The following ALKBH8 variants were observed in gnomAD, a reference collection of about 807,000 sequenced individuals.
ALKBH8 encodes tRNA (carboxymethyluridine(34)-5-O)-methyltransferase ALKBH8.
Under a neutral mutation model 59.8 loss-of-function variants are expected in ALKBH8, and 36 were observed. The ratio of observed to expected loss-of-function variants is 0.60; its 90% confidence interval spans 0.46 to 0.79. The LOEUF is 0.79. Ranked by LOEUF, ALKBH8 falls within the 30% of genes least tolerant of loss-of-function variation. The probability of loss-of-function intolerance (pLI) is 0.00; values close to 1 mark genes in which losing one functional copy is unlikely to be tolerated. For synonymous variants in ALKBH8, 276 were observed against 273.6 expected, an observed-to-expected ratio of 1.01 and a Z score of -0.09; for missense variants, 768 against 801.0, an observed-to-expected ratio of 0.96 and a Z score of 0.50.
intron 10 of ALKBH8, among the ~76,000 whole-genome samples, chr11:107,518,445 G>T (rs1215891237): frequency 6.6e-6 from 1 of 152,162 alleles, no homozygotes; most frequent in Admixed American, 6.5e-5. Context: ...CCATAAACTG[G>T]CCCCAAAACT....
In ALKBH8 at chr11:107,563,573, AAATGGCTTAACAAAAC is replaced by A. The variant is rs1170571849; in HGVS notation, c.-7+2012_-7+2027del. The A allele has an allele frequency of 2.0e-5, 3 of 152,346 alleles. No individual in the cohort carries two copies. In the East Asian group the frequency reaches 5.8e-4, roughly 29 times the overall value. The allele number at this position is 152,346 out of a possible 1,614,324, so 9.4% of individuals were successfully genotyped here. On this transcript the variant is annotated intron_variant, in intron 1 of 11. Transcript: ENST00000428149. ...GTTGATTTTCAGAAGCAGCAGATCA[AAATGGCTTAACAAAAC>A]AAAGAATATCTGAGGCCCTTCAAAG...
In ALKBH8 at chr11:107,522,844, G is replaced by A. The variant is rs115137044; in HGVS notation, c.1031-289C>T. The stretch of plus-strand genomic sequence containing the variant: ...AAATACCTAGTGTTGGTGTGGATAA[G>A]AAGAGAAGGGAGCTCTTGCACACTG... On this transcript the variant is annotated intron_variant, in intron 9 of 11. Transcript: ENST00000428149. 1.6e-3 allele frequency among the ~76,000 whole-genome samples: 243 copies of A among 152,154 alleles called. 2 individuals are homozygous for A. The highest frequency in any genetic ancestry group is 5.7e-3 in the African/African-American group (237 of 41,520).
At chr11:107,553,711 G>T in intron 4 of ALKBH8, 136 bp downstream of exon 4, 1 of 875,152 alleles carries the variant, frequency 1.1e-6, no homozygotes, top group Non-Finnish European at 1.7e-6. Context: ...AGAATTGTTG[G>T]TATGACTTGC....
intron 7 of ALKBH8, among the ~76,000 whole-genome samples, chr11:107,542,298 G>GA (rs1864070666): frequency 1.3e-5 from 2 of 151,624 alleles, no homozygotes; most frequent in African/African-American, 2.4e-5. Flanking sequence ...AAAGATAAAA[G>GA]CAAAAAATCT....
intron 8 of ALKBH8, 133 bp from the exon 9 acceptor site, chr11:107,525,725 T>C: frequency 3.4e-6 from 2 of 580,778 alleles, no homozygotes; most frequent in Non-Finnish European, 5.2e-6. Context: ...CCTGAATTGT[T>C]AGACATTGTG....
rs117997741 is a variant in ALKBH8 at position 107,521,263 on chromosome 11, C to T, written c.1287+1036G>A. Among the ~76,000 whole-genome samples, 147 of 152,244 alleles carry T rather than the reference C, an allele frequency of 9.7e-4. 1 individual carries two copies. The East Asian group carries it at 0.023, about 24-fold the overall frequency. ...GCCCCACAAAGAACAGCCACTGTTG[C>T]TCATGTAGGGGTGATAAAAATGTAA... On this transcript the variant is annotated intron_variant, in intron 10 of 11. Transcript: ENST00000428149.
At chr11:107,539,935 A>T (rs2135544115) in intron 7 of ALKBH8, among the ~76,000 whole-genome samples, 2 of 152,328 alleles carry the variant, frequency 1.3e-5, no homozygotes, top group Middle Eastern at 3.4e-3. Context: ...TACAAGCCTC[A>T]ATAATCTGGT....
intron 7 of ALKBH8, among the ~76,000 whole-genome samples, chr11:107,533,501 C>T (rs1205991493): frequency 6.6e-6 from 1 of 152,080 alleles, no homozygotes; most frequent in East Asian, 1.9e-4. Context: ...CTAACCTATC[C>T]TTCCAATCTA....
intron 7 of ALKBH8, among the ~76,000 whole-genome samples, chr11:107,541,340 A>G (rs1408307827): frequency 1.3e-5 from 2 of 152,220 alleles, no homozygotes; most frequent in Non-Finnish European, 2.9e-5. Flanking sequence ...AATTGTCTCC[A>G]TAGTCAATTA....
chr11:107,553,104 T>A lies in ALKBH8; in HGVS notation c.595+4A>T. The A allele has an allele frequency of 6.4e-7, 1 of 1,560,242 alleles. No homozygotes were observed. On this transcript the variant is annotated splice_donor_region_variant and intron_variant, in intron 5 of 11. Transcript: ENST00000428149. The stretch of plus-strand genomic sequence containing the variant: ...GAATTTATTATGTATTAGCAATTAC[T>A]TACCCCCAGATAATGGCTTATCTTT...
At chr11:107,554,690 G>A (rs1257289859) in intron 3 of ALKBH8, among the ~76,000 whole-genome samples, 1 of 152,050 alleles carries the variant, frequency 6.6e-6, no homozygotes, top group African/African-American at 2.4e-5. Context: ...CACAAAAATA[G>A]CAACTATTTA....
chr11:107,547,003 T>A (rs947849126), intron 7 of ALKBH8, among the ~76,000 whole-genome samples: 1 of 152,088 alleles, frequency 6.6e-6, no homozygotes, highest in East Asian at 1.9e-4. Flanking sequence ...ATCTTAGAAA[T>A]TTCCTGGGAA....
chr11:107,513,271 C>T (rs915079327), intron 10 of ALKBH8, among the ~76,000 whole-genome samples: 9 of 152,232 alleles, frequency 5.9e-5, no homozygotes, highest in African/African-American at 2.2e-4. Context: ...AAAAGACATA[C>T]ACGTGGCCAA....
At chr11:107,528,419 G>A (rs187876113) in intron 8 of ALKBH8, among the ~76,000 whole-genome samples, 39 of 152,142 alleles carry the variant, frequency 2.6e-4, no homozygotes, top group Admixed American at 1.6e-3. Context: ...TTTTTAAAAA[G>A]CTTGTCTTAA....
In ALKBH8 at chr11:107,525,521, A is replaced by G. The variant is rs1302103314; in HGVS notation, c.950T>C (p.Val317Ala). ...SLKSGIITSD[V>A]GDLTLSKRGL... is the part of the protein sequence containing the mutation. ...CCTCTTGCTTAAAGTTAAGTCTCCA[A>G]CATCACTGGTGATAATTCCACTTTT... Residue 317 changes from valine (V) to alanine (A), a missense_variant, in exon 9 of 12, where the codon GTT becomes GCT. Transcript: ENST00000428149. 2 of 1,537,932 alleles carry G rather than the reference A, an allele frequency of 1.3e-6. No individual in the cohort carries two copies. The highest frequency in any genetic ancestry group is 2.4e-5 in the South Asian group (2 of 82,432).
At chr11:107,553,306 C>T in intron 4 of ALKBH8, 103 bp from the exon 5 acceptor site, 1 of 640,248 alleles carries the variant, frequency 1.6e-6, no homozygotes, top group South Asian at 2.4e-5. Flanking sequence ...GTAATGGCAA[C>T]TTCTGTTAAT....
chr11:107,504,636 TATG>T lies in ALKBH8; in HGVS notation c.*19_*21del. 4 of 1,539,168 alleles carry T rather than the reference TATG, an allele frequency of 2.6e-6. No homozygotes were observed. The highest frequency in any genetic ancestry group is 3.5e-6 in the Non-Finnish European group (4 of 1,141,578). On this transcript the variant is annotated 3_prime_UTR_variant, in exon 12 of 12. Transcript: ENST00000428149. ...TTTAAGTGAGCATTTCTTCTTTATATATGATGTGTTCAGGTAAATAATCAGGCC... is the reference window on the plus strand; with the variant it reads ...TTTAAGTGAGCATTTCTTCTTTATATATGTGTTCAGGTAAATAATCAGGCC...
intron 2 of ALKBH8, 51 bp downstream of exon 2, chr11:107,560,714 T>C: frequency 1.3e-6 from 2 of 1,514,974 alleles, no homozygotes; most frequent in Non-Finnish European, 1.8e-6. Flanking sequence ...ATATAATACA[T>C]TAACATGTCA....
intron 10 of ALKBH8, among the ~76,000 whole-genome samples, chr11:107,516,330 C>G (rs532953725): frequency 6.6e-6 from 1 of 152,294 alleles, no homozygotes; most frequent in Non-Finnish European, 1.5e-5. Flanking sequence ...TTTCCAGTAA[C>G]TTCTGCCTAA....
Sources: gnomAD v4.1 joint callset for allele counts (sites outside exome capture counted in the v4.1 genomes callset) on GRCh38, gnomAD v4.1.1 for gene constraint, MANE v1.5 for transcripts, NCBI Gene and HGNC (gene_info 2026-07-23, HGNC 2026-07-21) for gene names.